Variants in SCAI observed in about 807,000 individuals in gnomAD.
SCAI encodes protein SCAI.
A neutral mutation model predicts 92.2 loss-of-function variants in SCAI; 24 were observed. The ratio of observed to expected loss-of-function variants is 0.26; its 90% CI spans 0.19 to 0.37. The LOEUF (loss-of-function observed/expected upper bound fraction) is 0.37. SCAI is among the 10% of genes least tolerant of loss of function. The pLI, the probability that SCAI is intolerant of heterozygous loss-of-function variation, is 1.00. For synonymous variants in SCAI, 261 were observed against 258.6 expected (o/e 1.01, Z -0.09); for missense variants, 450 against 736.2 (o/e 0.61, Z 4.50).
chr9:125,025,610 T>C (rs1832951629), intron 6 of SCAI, among the ~76,000 whole-genome samples: 1 of 152,158 alleles, frequency 6.6e-6, no homozygotes, highest in Non-Finnish European at 1.5e-5. Flanking sequence ...GTAGTGAAAA[T>C]ATGTGAAGCA....
intron 17 of SCAI, among the ~76,000 whole-genome samples, chr9:124,959,481 TATAC>T (rs141027976): frequency 0.017 from 1,852 of 108,248 alleles, 76 homozygotes; most frequent in Admixed American, 0.1. Context: ...TATATATATA[TATAC>T]ACACACACAT....
intron 2 of SCAI, among the ~76,000 whole-genome samples, chr9:125,084,711 C>T (rs1834292124): frequency 4.6e-5 from 7 of 152,194 alleles, no homozygotes; most frequent in Admixed American, 4.6e-4. Flanking sequence ...TGTCTACAAT[C>T]ATCAAAGCAG....
chr9:124,953,709 G>A (rs1299701287), intron 17 of SCAI, among the ~76,000 whole-genome samples: 8 of 150,054 alleles, frequency 5.3e-5, no homozygotes, highest in Non-Finnish European at 8.9e-5. Context: ...CACCGTGCCC[G>A]GCCTAGAAAT....
At chr9:125,008,545 G>C (rs1276299718) in intron 9 of SCAI, among the ~76,000 whole-genome samples, 1 of 152,094 alleles carries the variant, frequency 6.6e-6, no homozygotes, top group African/African-American at 2.4e-5. Flanking sequence ...AGCTAAGAAA[G>C]ACAATATGTG....
intron 9 of SCAI, among the ~76,000 whole-genome samples, chr9:125,007,907 C>G (rs1272158251): frequency 2.0e-5 from 3 of 149,046 alleles, no homozygotes; most frequent in African/African-American, 7.4e-5. Flanking sequence ...GTGCAGTGGT[C>G]TGATCTCTGC....
At position 124,971,712 on chromosome 9, in the gene SCAI, T is replaced by C. The variant is rs751483718; in HGVS notation, c.1532A>G (p.Asn511Ser). The change falls in exon 16 of 18, where the codon AAC becomes AGC. Residue 511 changes from asparagine to serine, a missense_variant. Transcript: ENST00000336505. ...AGTCAGTAGCTGGGCAATATCACGG[T>C]TGATTTTTCGAAGATATTCTTGACA... ...EKCQEYLRKI[N>S]RDIAQLLTHS... The C allele has an allele frequency of 1.4e-5, 22 of 1,611,040 alleles. No homozygotes were observed. Among genetic ancestry groups the C allele is most frequent in the Admixed American group, 3.4e-5 (2 of 59,000 alleles).
chr9:125,083,390 C>A (rs1054161073), intron 2 of SCAI, among the ~76,000 whole-genome samples: 9 of 151,818 alleles, frequency 5.9e-5, no homozygotes, highest in Non-Finnish European at 1.3e-4. Flanking sequence ...TGGTGGTGTG[C>A]GCCTGTAATC....
intron 2 of SCAI, among the ~76,000 whole-genome samples, chr9:125,125,122 G>A (rs1423718496): frequency 1.3e-5 from 2 of 152,226 alleles, no homozygotes; most frequent in Non-Finnish European, 2.9e-5. Context: ...TCAGGAGGCT[G>A]AGGCAGGAGA....
chr9:124,977,501 C>T (rs879275834), intron 14 of SCAI, among the ~76,000 whole-genome samples: 13 of 152,132 alleles, frequency 8.5e-5, no homozygotes, highest in Admixed American at 8.5e-4. Context: ...TAGTGAGACC[C>T]CGACTCTACA....
chr9:125,052,341 C>T (rs1194949799), intron 3 of SCAI, among the ~76,000 whole-genome samples: 3 of 152,112 alleles, frequency 2.0e-5, no homozygotes, highest in African/African-American at 7.2e-5. Flanking sequence ...GAGGTCGAGG[C>T]GGGTGGATCA....
At chr9:125,094,910 G>A (rs975246858) in intron 2 of SCAI, among the ~76,000 whole-genome samples, 2 of 152,088 alleles carry the variant, frequency 1.3e-5, no homozygotes, top group Non-Finnish European at 2.9e-5. Context: ...AGTTACACAA[G>A]AAACTACTGA....
intron 2 of SCAI, among the ~76,000 whole-genome samples, chr9:125,114,679 C>T (rs1835000305): frequency 1.3e-5 from 2 of 151,678 alleles, no homozygotes; most frequent in African/African-American, 4.8e-5. Flanking sequence ...GATCACAGCT[C>T]ACACCAGCCT....
Position 125,003,228 on chromosome 9 carries a change from A to G in SCAI, c.964-13T>C. On this transcript the variant is annotated splice_polypyrimidine_tract_variant and intron_variant, in intron 10 of 17. Coordinates refer to ENST00000336505, the MANE Select transcript of SCAI (RefSeq NM_001144877.3). The stretch of plus-strand genomic sequence containing the variant: ...TGTCAGCTGATTCCTATATTTACAC[A>G]CAGAAAACATTATACATAAAAGCTG... 2 of 1,574,628 alleles carry G rather than the reference A, an allele frequency of 1.3e-6. No homozygotes were observed. Among genetic ancestry groups the G allele is most frequent in the Non-Finnish European group, 1.7e-6 (2 of 1,144,290 alleles).
At chr9:125,013,897 T>C (rs1230102122) in intron 9 of SCAI, among the ~76,000 whole-genome samples, 6 of 152,104 alleles carry the variant, frequency 3.9e-5, no homozygotes, top group Non-Finnish European at 5.9e-5. Flanking sequence ...ATAAATGTAA[T>C]CCAGCATATA....
At chr9:125,018,707 G>A (rs1832811620) in intron 9 of SCAI, 92 bp downstream of exon 9, 3 of 1,110,436 alleles carry the variant, frequency 2.7e-6, no homozygotes, top group Admixed American at 2.3e-5. Flanking sequence ...ACAAGAGGAT[G>A]TTAGGATATT....
chr9:124,964,669 T>C (rs1272856097), intron 17 of SCAI, among the ~76,000 whole-genome samples: 1 of 152,226 alleles, frequency 6.6e-6, no homozygotes, highest in Non-Finnish European at 1.5e-5. Flanking sequence ...ACCTTCAGTA[T>C]AGAATTAATG....
intron 9 of SCAI, among the ~76,000 whole-genome samples, chr9:125,004,040 G>A (rs1156832320): frequency 6.6e-6 from 1 of 152,092 alleles, no homozygotes; most frequent in Non-Finnish European, 1.5e-5. Context: ...GCCGGGTGTG[G>A]TGGTGGATGC....
intron 9 of SCAI, among the ~76,000 whole-genome samples, chr9:125,004,125 G>A (rs1009537765): frequency 2.0e-5 from 3 of 152,080 alleles, no homozygotes; most frequent in East Asian, 1.9e-4. Context: ...GCAATGAACC[G>A]AAATCGCACC....
chr9:125,025,886 C>T (rs1832956110), intron 6 of SCAI, among the ~76,000 whole-genome samples: 1 of 152,220 alleles, frequency 6.6e-6, no homozygotes, highest in Non-Finnish European at 1.5e-5. Context: ...AAACTGTTTT[C>T]TTCTATTGCT....
Sources: allele counts gnomAD v4.1 joint callset (sites outside exome capture counted in the v4.1 genomes callset), GRCh38; gene constraint gnomAD v4.1.1; transcripts MANE v1.5; gene names NCBI Gene and HGNC (gene_info 2026-07-23, HGNC 2026-07-21).